Variants in FOXP2 observed in about 807,000 individuals in gnomAD.
The protein encoded by FOXP2 is forkhead box protein P2.
In FOXP2, 12 loss-of-function variants were observed where a neutral mutation model predicts 115.8. The observed-to-expected ratio is 0.10, with a 90% CI of 0.07 to 0.17. FOXP2 has a LOEUF of 0.17. FOXP2 is among the 10% of genes least tolerant of loss of function. FOXP2 has a pLI of 1.00. For synonymous variants in FOXP2, 328 were observed against 297.7 expected (o/e 1.10, Z -1.05); for missense variants, 629 against 843.5 (o/e 0.75, Z 3.15).
intron 1 of FOXP2, among the ~76,000 whole-genome samples, chr7:114,182,085 C>G (rs1474950786): frequency 6.6e-6 from 1 of 151,970 alleles, no homozygotes; most frequent in African/African-American, 2.4e-5. Context: ...TTGTTAACTT[C>G]TTTTGAACAA....
chr7:114,274,641 A>G (rs540824078), intron 1 of FOXP2, among the ~76,000 whole-genome samples: 13 of 68,488 alleles, frequency 1.9e-4, no homozygotes, highest in African/African-American at 7.1e-4. Flanking sequence ...TTGAGGCAGG[A>G]TCTTACTCTG....
chr7:114,473,704 C>T (rs192048483), intron 2 of FOXP2, among the ~76,000 whole-genome samples: 1 of 152,192 alleles, frequency 6.6e-6, no homozygotes, highest in Admixed American at 6.5e-5. Context: ...ATGGTAGCAT[C>T]TGGGATTAAT....
At chr7:114,615,308 G>C (rs933807800) in intron 3 of FOXP2, among the ~76,000 whole-genome samples, 1 of 152,080 alleles carries the variant, frequency 6.6e-6, no homozygotes, top group African/African-American at 2.4e-5. Context: ...TCATAATCTA[G>C]TTAACTAAAA....
chr7:114,484,616 G>A (rs1160046449), intron 2 of FOXP2, among the ~76,000 whole-genome samples: 1 of 151,768 alleles, frequency 6.6e-6, no homozygotes, highest in African/African-American at 2.4e-5. Flanking sequence ...AAATAAAATG[G>A]TCATTTATTC....
At chr7:114,298,162 C>T (rs1181263185) in intron 2 of FOXP2, among the ~76,000 whole-genome samples, 2 of 152,062 alleles carry the variant, frequency 1.3e-5, no homozygotes, top group Non-Finnish European at 1.5e-5. Context: ...AAGCTTAGTT[C>T]CTTTAACAAT....
At chr7:114,188,062 T>C (rs1793659488) in intron 1 of FOXP2, among the ~76,000 whole-genome samples, 1 of 152,124 alleles carries the variant, frequency 6.6e-6, no homozygotes, top group South Asian at 2.1e-4. Flanking sequence ...ATGCAAACGA[T>C]AGCAATAGTT....
chr7:114,421,127 G>A (rs965851266), intron 1 of FOXP2, among the ~76,000 whole-genome samples: 3 of 151,438 alleles, frequency 2.0e-5, no homozygotes, highest in Admixed American at 1.3e-4. Flanking sequence ...CATCTACATG[G>A]CCACCATTCT....
intron 2 of FOXP2, among the ~76,000 whole-genome samples, chr7:114,292,114 G>A (rs556295504): frequency 6.6e-6 from 1 of 150,810 alleles, no homozygotes; most frequent in South Asian, 2.1e-4. Context: ...TCATCAGAGT[G>A]ACAATACACA....
chr7:114,689,172 C>T (rs1323373884), intron 16 of FOXP2, among the ~76,000 whole-genome samples: 1 of 152,162 alleles, frequency 6.6e-6, no homozygotes, highest in South Asian at 2.1e-4. Context: ...ATTTTAATTA[C>T]ATAATGTATG....
At chr7:114,104,245 T>A (rs902325495) in intron 1 of FOXP2, among the ~76,000 whole-genome samples, 10 of 151,928 alleles carry the variant, frequency 6.6e-5, no homozygotes, top group Admixed American at 5.3e-4. Context: ...AAGTGAAATA[T>A]TTATGAGTCA....
chr7:114,132,910 A>G (rs939545357), intron 1 of FOXP2, among the ~76,000 whole-genome samples: 18 of 152,170 alleles, frequency 1.2e-4, no homozygotes, highest in African/African-American at 4.1e-4. Flanking sequence ...TTTTGAGTAG[A>G]TGAGTATCAC....
chr7:114,515,857 G>A (rs1018968991), intron 2 of FOXP2, among the ~76,000 whole-genome samples: 2 of 152,154 alleles, frequency 1.3e-5, no homozygotes, highest in Non-Finnish European at 2.9e-5. Flanking sequence ...TACAAGGGAT[G>A]TGAAGGACCT....
rs1808660266 is a variant in FOXP2, at chr7:114,691,389, T to C, written c.*1463T>C. 6.6e-6 allele frequency: 3 copies of C among 454,016 alleles called. No individual in the cohort carries two copies. Among genetic ancestry groups the C allele is most frequent in the Non-Finnish European group, 1.3e-5 (3 of 226,750 alleles). 28.1% of individuals were successfully genotyped at this position (454,016 alleles called of 1,614,324 possible). ...CTGAAAGCAAAGATTATAGCAATTG[T>C]AGTCCATGGTATTTATTTTCAGTCA... is the stretch of plus-strand genomic sequence containing the variant. On this transcript the variant is annotated 3_prime_UTR_variant, in exon 17 of 17. Coordinates refer to ENST00000350908, the MANE Select transcript of FOXP2 (RefSeq NM_014491.4).
chr7:114,499,234 G>T, intron 2 of FOXP2: 1 of 303,084 alleles, frequency 3.3e-6, no homozygotes, highest in Non-Finnish European at 6.1e-6. Context: ...ATGGAGGATT[G>T]CATGCAGGAT....
intron 1 of FOXP2, among the ~76,000 whole-genome samples, chr7:114,418,314 T>G (rs1793444389): frequency 6.6e-6 from 1 of 151,938 alleles, no homozygotes; most frequent in Non-Finnish European, 1.5e-5. Context: ...TGAGAGGGAA[T>G]GACAACATAA....
Position 114,646,712 on chromosome 7 carries a change from C to T in FOXP2, c.1094+1923C>T, listed in dbSNP as rs574251338. Among the ~76,000 whole-genome samples, 43 of 151,712 alleles carry T rather than the reference C, an allele frequency of 2.8e-4. 1 individual carries two copies. The highest frequency in any genetic ancestry group is 5.2e-4 in the Non-Finnish European group (35 of 67,836). On this transcript the variant is annotated intron_variant, in intron 8 of 16. Coordinates refer to ENST00000350908, the MANE Select transcript of FOXP2 (RefSeq NM_014491.4). ...ACAGAGCTAATGTAAGTATACTGAC[C>T]GAAGTGAAATATCGATTAGATATAC... is the stretch of plus-strand genomic sequence containing the variant.
At chr7:114,361,874 T>C (rs1791753498) in intron 2 of FOXP2, among the ~76,000 whole-genome samples, 1 of 152,080 alleles carries the variant, frequency 6.6e-6, no homozygotes, top group Non-Finnish European at 1.5e-5. Flanking sequence ...AAAAGTAACC[T>C]AGAATGGGCT....
chr7:114,440,777 G>T (rs1411225028), intron 2 of FOXP2, among the ~76,000 whole-genome samples: 1 of 152,070 alleles, frequency 6.6e-6, no homozygotes, highest in African/African-American at 2.4e-5. Context: ...GACTAAGCTT[G>T]ATCCTACTGT....
At chr7:114,680,882 G>A (rs976354750) in intron 16 of FOXP2, among the ~76,000 whole-genome samples, 10 of 152,120 alleles carry the variant, frequency 6.6e-5, no homozygotes, top group Non-Finnish European at 2.9e-5. Context: ...TCCAGAAAGG[G>A]GATTTTATCA....
Sources: allele counts gnomAD v4.1 joint callset (sites outside exome capture counted in the v4.1 genomes callset), GRCh38; gene constraint gnomAD v4.1.1; transcripts MANE v1.5; gene names NCBI Gene and HGNC (gene_info 2026-07-23, HGNC 2026-07-21).